Variants in PSCA observed in about 807,000 individuals in gnomAD.
PSCA encodes prostate stem cell antigen.
PSCA carries 7 observed loss-of-function variants against 7.9 expected under a neutral mutation model. That is an observed-to-expected ratio of 0.89 (90% CI 0.51 to 1.67). The LOEUF is 1.67. Ranked by LOEUF, PSCA falls within the 40% of genes most tolerant of loss-of-function variation. PSCA has a pLI of 0.00. For synonymous variants in PSCA, 61 were observed against 68.3 expected (o/e 0.89, Z 0.53); for missense variants, 151 against 147.9 (o/e 1.02, Z -0.11).
rs1554638499 is a variant in PSCA at position 142,682,264 on chromosome 8, A to C, written c.*132A>C. On this transcript the variant is annotated 3_prime_UTR_variant, in exon 3 of 3. Transcript: ENST00000301258. ...CATCCTAACGCAAGTCTGACCATGTATGTCTGCGCCCCTGTCCCCCACCCT... is the reference window on the plus strand; with the variant it reads ...CATCCTAACGCAAGTCTGACCATGTCTGTCTGCGCCCCTGTCCCCCACCCT... 1 of 1,146,908 alleles carries C rather than the reference A, an allele frequency of 8.7e-7. No homozygotes were observed. Among genetic ancestry groups the C allele is most frequent in the Non-Finnish European group, 1.3e-6 (1 of 791,698 alleles). The allele number at this position is 1,146,908 out of a possible 1,614,324, so 71.0% of individuals were successfully genotyped here.
upstream of PSCA, among the ~76,000 whole-genome samples, chr8:142,679,530 T>C (rs1198780060): frequency 6.6e-6 from 1 of 152,208 alleles, no homozygotes; most frequent in East Asian, 1.9e-4. Flanking sequence ...CCCAAGGTGG[T>C]CAGTGCACAG....
chr8:142,674,798 C>A (rs1216756426), intron 1 of PSCA, among the ~76,000 whole-genome samples: 2 of 152,232 alleles, frequency 1.3e-5, no homozygotes, highest in Admixed American at 1.3e-4. Context: ...CTACAGCAGC[C>A]TGCTTCTGCA....
intron 1 of PSCA, chr8:142,670,653 C>T (rs1442230018): frequency 1.3e-5 from 2 of 152,194 alleles, no homozygotes; most frequent in African/African-American, 2.4e-5. Context: ...CCCATGGGAC[C>T]TATGCAAATT....
At chr8:142,680,794 C>T in intron 1 of PSCA, 1 of 603,760 alleles carries the variant, frequency 1.7e-6, no homozygotes, top group East Asian at 2.8e-5. Flanking sequence ...AGCACGGAGT[C>T]ACTCTCCTTC....
At chr8:142,671,327 A>T (rs1847322116) in intron 1 of PSCA, among the ~76,000 whole-genome samples, 1 of 152,152 alleles carries the variant, frequency 6.6e-6, no homozygotes, top group African/African-American at 2.4e-5. Flanking sequence ...AAGGACTATG[A>T]GCGGCTTCTA....
intron 1 of PSCA, among the ~76,000 whole-genome samples, chr8:142,672,020 A>G (rs1426890065): frequency 6.6e-6 from 1 of 152,136 alleles, no homozygotes; most frequent in African/African-American, 2.4e-5. Flanking sequence ...CAACACTGGC[A>G]ACGACCAAAT....
chr8:142,675,159 G>A (rs1432728542), intron 1 of PSCA, among the ~76,000 whole-genome samples: 4 of 152,250 alleles, frequency 2.6e-5, no homozygotes, highest in African/African-American at 9.6e-5. Context: ...CAGCTGGAAG[G>A]GAAGGGTGTG....
Position 142,670,993 on chromosome 8 carries a change from C to T in PSCA, n.261+425C>T, listed in dbSNP as rs1847314175. On this transcript the variant is annotated intron_variant and non_coding_transcript_variant, in intron 1 of 1. Transcript: ENST00000505305. The stretch of plus-strand genomic sequence containing the variant: ...TATACGTTAAGTCACTTCTAGATTA[C>T]TTATAATACCTAATACAATGTAAGC... Among the ~76,000 whole-genome samples the T allele has an allele frequency of 2.0e-5, 3 of 152,212 alleles. 1 individual carries two copies. The South Asian group carries it at 6.2e-4, about 32-fold the overall frequency.
intron 1 of PSCA, 36 bp from the exon 2 acceptor site, chr8:142,681,291 G>A (rs1171879433): frequency 2.7e-6 from 4 of 1,503,682 alleles, no homozygotes; most frequent in Non-Finnish European, 3.6e-6. Flanking sequence ...AGTGCTATGG[G>A]GCAGCCTCTG....
chr8:142,681,331 T>G lies in PSCA; in HGVS notation c.30T>G (p.Thr10=), dbSNP rs1814627004. The part of the protein sequence containing the change: MAGLALQPG[T]ALLCYSCKAQ... The stretch of plus-strand genomic sequence containing the variant: ...CCCTCCCACTCCACCCCACAGGCAC[T>G]GCCCTGCTGTGCTACTCCTGCAAAG... Residue 10 remains threonine (T), a synonymous_variant, in exon 2 of 3, where the codon ACT becomes ACG. Transcript: ENST00000301258. The G allele has an allele frequency of 3.9e-6, 6 of 1,558,238 alleles. No homozygotes were observed. The highest frequency in any genetic ancestry group is 5.2e-6 in the Non-Finnish European group (6 of 1,150,718).
At chr8:142,677,227 T>C (rs1847409904), upstream of PSCA, among the ~76,000 whole-genome samples, 1 of 152,174 alleles carries the variant, frequency 6.6e-6, no homozygotes, top group Admixed American at 6.5e-5. Flanking sequence ...GTCACAGCCA[T>C]GGTCTTCCGT....
intron 1 of PSCA, among the ~76,000 whole-genome samples, chr8:142,674,517 T>C (rs1259070042): frequency 1.3e-5 from 2 of 152,252 alleles, no homozygotes; most frequent in Admixed American, 1.3e-4. Context: ...TGGCTGAGTT[T>C]TGGAAAAGGG....
intron 1 of PSCA, among the ~76,000 whole-genome samples, chr8:142,674,989 A>C (rs1554637708): frequency 6.6e-6 from 1 of 152,246 alleles, no homozygotes; most frequent in Non-Finnish European, 1.5e-5. Flanking sequence ...CGTGCCTGCT[A>C]TTCCCTCTGC....
At chr8:142,678,145 G>A (rs943451538), upstream of PSCA, among the ~76,000 whole-genome samples, 4 of 152,168 alleles carry the variant, frequency 2.6e-5, no homozygotes, top group African/African-American at 9.7e-5. Flanking sequence ...CAGACCTGCT[G>A]GGAGAGGGTC....
Position 142,681,986 on chromosome 8 carries a change from G to C in PSCA, c.199G>C (p.Asp67His). ...CSLNCVDDSQ[D>H]YYVGKKNITC... is the part of the protein sequence containing the mutation. ...CTTGAACTGCGTGGATGACTCACAG[G>C]ACTACTACGTGGGCAAGAAGAACAT... Residue 67 changes from aspartate to histidine, a missense_variant, in exon 3 of 3, where the codon GAC (aspartate) becomes CAC (histidine). Transcript: ENST00000301258. The C allele has an allele frequency of 6.2e-7, 1 of 1,609,926 alleles. No homozygotes were observed. Among genetic ancestry groups the C allele is most frequent in the Non-Finnish European group, 8.5e-7 (1 of 1,178,246 alleles).
upstream of PSCA, chr8:142,680,320 A>G (rs1554638160): frequency 1.7e-6 from 1 of 600,902 alleles, no homozygotes; most frequent in African/African-American, 1.8e-5. Context: ...TCTGTCCTCC[A>G]GAGGTGGAAA....
chr8:142,682,505 C>A lies in PSCA; in HGVS notation c.*373C>A. On this transcript the variant is annotated 3_prime_UTR_variant, in exon 3 of 3. Coordinates refer to ENST00000301258, the MANE Select transcript of PSCA (RefSeq NM_005672.5). ...GCCAGGTCTGGTCCGTGGTGTCCCC[C>A]GCACCCAGCAGGGGACAGGCACTCA... The A allele has an allele frequency of 1.9e-6, 1 of 514,398 alleles. No homozygotes were observed. The highest frequency in any genetic ancestry group is 3.8e-6 in the Non-Finnish European group (1 of 264,814). The allele number at this position is 514,398 out of a possible 1,614,324, so 31.9% of individuals were successfully genotyped here. A position where few individuals can be genotyped will look rare whatever the true frequency, so the allele number is the denominator to read the frequency against.
At chr8:142,680,683 T>G (rs1587546864) in intron 1 of PSCA, 120 bp downstream of exon 1, 2 of 1,328,872 alleles carry the variant, frequency 1.5e-6, no homozygotes, top group Non-Finnish European at 2.1e-6. Context: ...AGGAAGGGGG[T>G]GAGGCTCTTG....
At chr8:142,681,507 C>T (rs782638050) in intron 2 of PSCA, 73 bp downstream of exon 2, 10 of 1,361,374 alleles carry the variant, frequency 7.3e-6, no homozygotes, top group African/African-American at 7.2e-5. Flanking sequence ...GCCATCTGTC[C>T]GCATCTGTGT....
Sources: allele counts gnomAD v4.1 joint callset (sites outside exome capture counted in the v4.1 genomes callset), GRCh38; gene constraint gnomAD v4.1.1; transcripts MANE v1.5; gene names NCBI Gene and HGNC (gene_info 2026-07-23, HGNC 2026-07-21).